Variants in GPAM observed in about 807,000 individuals in gnomAD.
GPAM encodes the protein glycerol-3-phosphate acyltransferase, mitochondrial.
In GPAM, 56 loss-of-function variants were observed where a neutral mutation model predicts 105.0. The observed-to-expected ratio is 0.53, with a 90% CI of 0.43 to 0.67. GPAM has a LOEUF of 0.67. GPAM is among the 30% of genes least tolerant of loss of function. The pLI is 0.00. For synonymous variants in GPAM, 368 were observed against 354.4 expected, an observed-to-expected ratio of 1.04 and a Z score of -0.43; for missense variants, 855 against 989.8, an observed-to-expected ratio of 0.86 and a Z score of 1.83.
chr10:112,173,914 A>G, intron 6 of GPAM, 69 bp from the exon 7 acceptor site: 1 of 1,255,824 alleles, frequency 8.0e-7, no homozygotes, highest in Non-Finnish European at 1.2e-6. Context: ...AGTATTTTCT[A>G]AACTGCAGCT....
chr10:112,182,309 G>T (rs974243937), intron 2 of GPAM, among the ~76,000 whole-genome samples: 1 of 152,082 alleles, frequency 6.6e-6, no homozygotes, highest in Non-Finnish European at 1.5e-5. Flanking sequence ...TTAAGTTCCC[G>T]TACTTAAATT....
chr10:112,217,996 T>C (rs1442084521), upstream of GPAM, among the ~76,000 whole-genome samples: 2 of 152,260 alleles, frequency 1.3e-5, no homozygotes, highest in Non-Finnish European at 2.9e-5. Context: ...AGCTGTTATG[T>C]TGGCATTTAA....
chr10:112,165,165 A>T (rs1847191375), intron 12 of GPAM, among the ~76,000 whole-genome samples: 1 of 152,208 alleles, frequency 6.6e-6, no homozygotes, highest in South Asian at 2.1e-4. Context: ...CAGGAAGTAG[A>T]ATAAAAGGAG....
intron 1 of GPAM, among the ~76,000 whole-genome samples, chr10:112,196,617 G>T (rs1198360024): frequency 6.6e-6 from 1 of 152,154 alleles, no homozygotes; most frequent in African/African-American, 2.4e-5. Context: ...TAGCAGGATT[G>T]GTTATGGTTT....
chr10:112,220,853 T>TACACACACACACACACAC, the GPAM span, among the ~76,000 whole-genome samples: 2 of 145,920 alleles, frequency 1.4e-5, no homozygotes, highest in African/African-American at 5.1e-5. Flanking sequence ...AGATCTCAAA[T>TACACACACACACACACAC]ACACACACAC....
intron 17 of GPAM, among the ~76,000 whole-genome samples, chr10:112,158,925 C>A (rs1403402278): frequency 6.6e-6 from 1 of 152,124 alleles, no homozygotes; most frequent in East Asian, 1.9e-4. Context: ...CCCAACAGGA[C>A]CACGAGCACA....
intron 1 of GPAM, among the ~76,000 whole-genome samples, chr10:112,199,448 G>A (rs950524140): frequency 1.3e-5 from 2 of 152,142 alleles, no homozygotes; most frequent in African/African-American, 2.4e-5. Context: ...CCGTTAGGAG[G>A]AGTAAGTTCC....
upstream of GPAM, among the ~76,000 whole-genome samples, chr10:112,185,477 G>A: frequency 1.0e-5 from 1 of 99,108 alleles, no homozygotes. Context: ...GTAGAGATGT[G>A]AAAAATCTTT....
chr10:112,177,894 T>C, intron 5 of GPAM, 90 bp downstream of exon 5: 1 of 733,918 alleles, frequency 1.4e-6, no homozygotes, highest in Non-Finnish European at 2.5e-6. Flanking sequence ...CTCTCAGTAA[T>C]GCAAAGCAAT....
intron 16 of GPAM, 93 bp downstream of exon 16, chr10:112,160,511 G>T: frequency 1.5e-6 from 2 of 1,317,062 alleles, no homozygotes; most frequent in Non-Finnish European, 1.1e-6. Flanking sequence ...CAAGCAAGGG[G>T]CTATCACCCA....
chr10:112,196,810 T>C (rs1230511647), intron 1 of GPAM, among the ~76,000 whole-genome samples: 1 of 152,178 alleles, frequency 6.6e-6, no homozygotes, highest in Non-Finnish European at 1.5e-5. Context: ...GTTGGATGGA[T>C]CACAGAGACC....
At chr10:112,187,128 C>T (rs992895025), upstream of GPAM, among the ~76,000 whole-genome samples, 1 of 151,762 alleles carries the variant, frequency 6.6e-6, no homozygotes, top group Admixed American at 6.6e-5. Flanking sequence ...AAGCTTAAGT[C>T]GAATTTTTAA....
chr10:112,179,361 A>G (rs1048470906), intron 4 of GPAM, among the ~76,000 whole-genome samples: 8 of 152,194 alleles, frequency 5.3e-5, no homozygotes, highest in Admixed American at 5.2e-4. Flanking sequence ...GAATTAGACT[A>G]GATGTCAGAT....
intron 12 of GPAM, among the ~76,000 whole-genome samples, chr10:112,166,032 T>A (rs1040932593): frequency 6.6e-6 from 1 of 152,182 alleles, no homozygotes; most frequent in African/African-American, 2.4e-5. Flanking sequence ...ACAATTCTTC[T>A]CTTTTAGTTA....
chr10:112,187,875 T>C (rs922443803), upstream of GPAM, among the ~76,000 whole-genome samples: 4 of 152,116 alleles, frequency 2.6e-5, no homozygotes, highest in African/African-American at 4.8e-5. Flanking sequence ...CGGTAGAAAT[T>C]AGAAACCACT....
intron 4 of GPAM, among the ~76,000 whole-genome samples, chr10:112,179,649 T>C (rs765167189): frequency 6.6e-6 from 1 of 152,156 alleles, no homozygotes; most frequent in Admixed American, 6.5e-5. Context: ...CAAACCAACC[T>C]TGAGTAGAAA....
At chr10:112,184,911 G>C (rs1386692552), upstream of GPAM, among the ~76,000 whole-genome samples, 3 of 152,164 alleles carry the variant, frequency 2.0e-5, no homozygotes, top group African/African-American at 4.8e-5. Flanking sequence ...AGCTACCTAA[G>C]GGCAGGAAAT....
intron 9 of GPAM, among the ~76,000 whole-genome samples, chr10:112,169,885 C>T (rs1408894073): frequency 2.0e-5 from 3 of 152,134 alleles, no homozygotes; most frequent in Non-Finnish European, 4.4e-5. Flanking sequence ...AGGATAGGAG[C>T]GCAAATCCTA....
intron 1 of GPAM, among the ~76,000 whole-genome samples, chr10:112,202,249 C>T (rs895243752): frequency 3.9e-5 from 6 of 152,204 alleles, no homozygotes; most frequent in African/African-American, 1.4e-4. Flanking sequence ...ATAAGAAAAT[C>T]GATGTGCTGT....
Sources: allele counts gnomAD v4.1 joint callset (sites outside exome capture counted in the v4.1 genomes callset), GRCh38; gene constraint gnomAD v4.1.1; transcripts MANE v1.5; gene names NCBI Gene and HGNC (gene_info 2026-07-23, HGNC 2026-07-21).